Variants in DMD observed in about 807,000 individuals in gnomAD.
DMD encodes mutant dystrophin.
A neutral mutation model predicts 330.1 loss-of-function variants in DMD; 63 were observed. The observed-to-expected ratio is 0.19, with a 90% CI of 0.16 to 0.24. DMD has a LOEUF of 0.24. Among genes scored for constraint, DMD ranks in the 10% least tolerant of loss-of-function variants. DMD has a pLI of 1.00. For synonymous variants in DMD, 1,223 were observed against 959.8 expected, an observed-to-expected ratio of 1.27 and a Z score of -5.07; for missense variants, 3,344 against 2,684.1, an observed-to-expected ratio of 1.25 and a Z score of -5.43.
At position 33,199,090 on chromosome X, in the gene DMD, T is replaced by G. The variant is rs572355985; in HGVS notation, c.31+12192A>C. On this transcript the variant is annotated intron_variant, in intron 1 of 78. Transcript: ENST00000357033. Reference sequence around the variant, plus strand: ...TGATTTTTAAATGTGTTTTGTTTTGTTTTGTTTGGCTTTCCTAGCAACCAA... The same window carrying G: ...TGATTTTTAAATGTGTTTTGTTTTGGTTTGTTTGGCTTTCCTAGCAACCAA... 4.2e-4 allele frequency among the ~76,000 whole-genome samples: 47 copies of G among 111,374 alleles called. No individual in the cohort carries two copies. In the Middle Eastern group the frequency reaches 0.032, roughly 77 times the overall value.
chrX:32,358,165 T>C (rs2097813407), intron 37 of DMD, among the ~76,000 whole-genome samples: 1 of 111,326 alleles, frequency 9.0e-6, no homozygotes, highest in African/African-American at 3.3e-5. Context: ...CTTTTAGATA[T>C]ACCTCAACTA....
At position 33,058,872 on chromosome X, in the gene DMD, C is replaced by T. The variant is rs2094549792; in HGVS notation, c.32-38672G>A. On this transcript the variant is annotated intron_variant, in intron 1 of 78. Coordinates refer to ENST00000357033, the MANE Select transcript of DMD (RefSeq NM_004006.3). The stretch of plus-strand genomic sequence containing the variant: ...AAATGTTTTTTACCATCTTTGTCCT[C>T]TTTTATGAAGTGCCTGTTCAAATAT... Among the ~76,000 whole-genome samples, 3 of 111,501 alleles carry T rather than the reference C, an allele frequency of 2.7e-5. No homozygotes were observed. In the South Asian group the frequency reaches 1.1e-3, roughly 41 times the overall value.
chrX:32,214,112 T>A (rs750872531), intron 44 of DMD, among the ~76,000 whole-genome samples: 18 of 111,361 alleles, frequency 1.6e-4, no homozygotes, highest in African/African-American at 4.9e-4. Flanking sequence ...AATTGTGTAA[T>A]GTTAATGTAT....
At chrX:32,994,015 G>A (rs1306671546) in intron 2 of DMD, among the ~76,000 whole-genome samples, 2 of 110,419 alleles carry the variant, frequency 1.8e-5, no homozygotes, top group Admixed American at 9.7e-5. Context: ...AAGTATGATT[G>A]GAGAACAAAA....
chrX:32,673,958 TA>T (rs2061798109), intron 9 of DMD, among the ~76,000 whole-genome samples: 1 of 111,718 alleles, frequency 9.0e-6, no homozygotes, highest in Non-Finnish European at 1.9e-5. Context: ...CAGGTCTAAC[TA>T]AAAACACCTT....
chrX:32,399,802 G>T (rs1199817729), intron 30 of DMD, among the ~76,000 whole-genome samples: 1 of 111,817 alleles, frequency 8.9e-6, no homozygotes, highest in Non-Finnish European at 1.9e-5. Flanking sequence ...TTGCGGCACT[G>T]TTCACAAAAG....
intron 62 of DMD, among the ~76,000 whole-genome samples, chrX:31,291,551 G>A (rs1414065503): frequency 8.9e-6 from 1 of 112,040 alleles, no homozygotes; most frequent in Non-Finnish European, 1.9e-5. Context: ...CAATCTTAGA[G>A]TATCTTAGTG....
intron 34 of DMD, 100 bp from the exon 35 acceptor site, chrX:32,365,299 G>A: frequency 1.2e-6 from 1 of 810,677 alleles, no homozygotes; most frequent in South Asian, 2.2e-5. Flanking sequence ...ATTCTGCAAG[G>A]TTTTAAACCT....
At chrX:32,147,424 T>C (rs183766294) in intron 44 of DMD, among the ~76,000 whole-genome samples, 26 of 112,109 alleles carry the variant, frequency 2.3e-4, no homozygotes, top group Non-Finnish European at 4.5e-4. Context: ...ACTTTACTGA[T>C]TGACATATGA....
intron 62 of DMD, among the ~76,000 whole-genome samples, chrX:31,299,796 A>C: frequency 9.7e-6 from 1 of 103,206 alleles, no homozygotes; most frequent in East Asian, 2.9e-4. Context: ...AAAAAAAAAA[A>C]AAGGATGGGG....
At chrX:31,365,943 C>T (rs1404455459) in intron 60 of DMD, among the ~76,000 whole-genome samples, 2 of 112,025 alleles carry the variant, frequency 1.8e-5, no homozygotes, top group African/African-American at 6.5e-5. Flanking sequence ...GGAGAGTCCA[C>T]GAAAATAAAA....
chrX:31,728,083 C>T (rs979321346), intron 52 of DMD, among the ~76,000 whole-genome samples: 53 of 112,372 alleles, frequency 4.7e-4, no homozygotes, highest in African/African-American at 1.6e-3. Flanking sequence ...AGTGCAGTGG[C>T]GCAATCTCGG....
intron 1 of DMD, among the ~76,000 whole-genome samples, chrX:33,089,833 G>A (rs1042716262): frequency 9.0e-6 from 1 of 111,123 alleles, no homozygotes. Flanking sequence ...GAAGCCTCTC[G>A]GGAGAAAAAT....
In DMD at chrX:32,441,126, C is replaced by G. The variant is rs772565692; in HGVS notation, c.3921+54G>C. 1.3e-4 allele frequency: 149 copies of G among 1,152,788 alleles called. 1 individual carries two copies. Among genetic ancestry groups the G allele is most frequent in the Non-Finnish European group, 8.4e-5 (71 of 846,322 alleles). On this transcript the variant is annotated intron_variant, in intron 28 of 78. Transcript: ENST00000357033. ...GATTTGTCTTCTATTTGGTACTTGA[C>G]CTCTTTTAATACTGCATATAAATTA...
chrX:32,364,197 G>C (rs1314774349), intron 36 of DMD, among the ~76,000 whole-genome samples: 1 of 112,174 alleles, frequency 8.9e-6, no homozygotes, highest in Non-Finnish European at 1.9e-5. Flanking sequence ...CAGCTGACTG[G>C]ATTTCAGGTG....
At chrX:32,438,539 G>T in intron 28 of DMD, 149 bp from the exon 29 acceptor site, 2 of 657,216 alleles carry the variant, frequency 3.0e-6, no homozygotes, top group Admixed American at 2.9e-5. Flanking sequence ...ACACCAAGGA[G>T]CATTTTTGCT....
intron 19 of DMD, among the ~76,000 whole-genome samples, chrX:32,499,885 T>G (rs1434605817): frequency 9.0e-6 from 1 of 111,464 alleles, no homozygotes; most frequent in African/African-American, 3.3e-5. Context: ...ATTATGCAAT[T>G]TGTTCCTTGA....
intron 9 of DMD, among the ~76,000 whole-genome samples, chrX:32,677,605 GA>G (rs1261219470): frequency 9.0e-6 from 1 of 111,307 alleles, no homozygotes; most frequent in African/African-American, 3.3e-5. Flanking sequence ...TAACTTACAA[GA>G]AAATACCCAC....
intron 2 of DMD, among the ~76,000 whole-genome samples, chrX:32,887,961 T>C (rs1270713453): frequency 9.2e-6 from 1 of 108,933 alleles, no homozygotes; most frequent in East Asian, 2.9e-4. Context: ...GCTCCATGAG[T>C]TGTCCCTTCA....
Sources: allele counts gnomAD v4.1 joint callset (sites outside exome capture counted in the v4.1 genomes callset), GRCh38; gene constraint gnomAD v4.1.1; transcripts MANE v1.5; gene names NCBI Gene and HGNC (gene_info 2026-07-23, HGNC 2026-07-21).